CDH12: variants seen among roughly 807,000 people sequenced by gnomAD.
CDH12 encodes cadherin 12.
CDH12 carries 41 observed loss-of-function variants against 74.1 expected under a neutral mutation model. The observed-to-expected ratio is 0.55, with a 90% confidence interval of 0.43 to 0.72. The LOEUF is 0.72. Among genes scored for constraint, CDH12 ranks in the 30% least tolerant of loss-of-function variants. The pLI, the probability that CDH12 is intolerant of heterozygous loss-of-function variation, is 0.00. For missense variants in CDH12, 945 were observed against 977.2 expected, an observed-to-expected ratio of 0.97 and a Z score of 0.44; for synonymous variants, 399 against 355.0, an observed-to-expected ratio of 1.12 and a Z score of -1.39.
At chr5:22,557,315 T>C (rs1249468836) in intron 1 of CDH12, among the ~76,000 whole-genome samples, 2 of 151,994 alleles carry the variant, frequency 1.3e-5, no homozygotes, top group Non-Finnish European at 2.9e-5. Context: ...AATATGAAAG[T>C]ATAACAATGC....
chr5:22,274,249 C>A lies in CDH12; in HGVS notation c.-332-61606G>T, dbSNP rs148637626. ...GGATAAGGATATGGGATTTTACATG[C>A]CAAGAATCGAGGAAAATTCATTTGA... On this transcript the variant is annotated intron_variant, in intron 3 of 14. Coordinates refer to ENST00000382254, the MANE Select transcript of CDH12 (RefSeq NM_004061.5). 7.9e-3 allele frequency among the ~76,000 whole-genome samples: 1,198 copies of A among 151,746 alleles called. 15 individuals carry two copies. The highest frequency in any genetic ancestry group is 0.027 in the African/African-American group (1,126 of 41,400).
chr5:22,326,425 C>T (rs1018263818), intron 3 of CDH12, among the ~76,000 whole-genome samples: 4 of 151,956 alleles, frequency 2.6e-5, no homozygotes, highest in African/African-American at 7.2e-5. Flanking sequence ...TTAGTAGAGA[C>T]GGGGTTTCAC....
intron 1 of CDH12, among the ~76,000 whole-genome samples, chr5:22,831,371 CTGTGTGTGTGTG>C (rs70959760): frequency 6.8e-6 from 1 of 146,750 alleles, no homozygotes; most frequent in East Asian, 2.0e-4. Context: ...GTGTGTGTGT[CTGTGTGTGTGTG>C]TGTGTGTGTG....
intron 1 of CDH12, among the ~76,000 whole-genome samples, chr5:22,680,641 A>G (rs2126927964): frequency 6.6e-6 from 1 of 152,158 alleles, no homozygotes; most frequent in Non-Finnish European, 1.5e-5. Flanking sequence ...GTTCTTGACA[A>G]CCATATTTGT....
chr5:22,448,318 T>A (rs1349759387), intron 2 of CDH12, among the ~76,000 whole-genome samples: 1 of 151,932 alleles, frequency 6.6e-6, no homozygotes, highest in African/African-American at 2.4e-5. Flanking sequence ...AGTTTTAACA[T>A]CACTCGATGC....
Position 22,320,857 on chromosome 5 carries a change from A to G in CDH12, c.-333+84400T>C, listed in dbSNP as rs77267377. 4.2e-3 allele frequency among the ~76,000 whole-genome samples: 644 copies of G among 152,338 alleles called. 31 individuals carry two copies. In the East Asian group the frequency reaches 0.12, roughly 28 times the overall value. The stretch of plus-strand genomic sequence containing the variant: ...TCCAGGCTAGTGGAAAGGGAGCTCT[A>G]TCTAAATCATCAGTTTTCTATAATT... On this transcript the variant is annotated intron_variant, in intron 3 of 14. Coordinates refer to ENST00000382254, the MANE Select transcript of CDH12 (RefSeq NM_004061.5).
intron 1 of CDH12, among the ~76,000 whole-genome samples, chr5:22,707,947 T>C (rs11955616): frequency 0.053 from 8,138 of 152,196 alleles, 392 homozygotes; most frequent in East Asian, 0.15. Flanking sequence ...AGAGTTTTTC[T>C]TCAGTTTCTA....
At chr5:22,779,756 G>A (rs1019317609) in intron 1 of CDH12, among the ~76,000 whole-genome samples, 1 of 152,096 alleles carries the variant, frequency 6.6e-6, no homozygotes, top group African/African-American at 2.4e-5. Context: ...CTTGAGCCAT[G>A]ATTGTGAGTT....
intron 6 of CDH12, among the ~76,000 whole-genome samples, chr5:21,874,352 A>G (rs1218637953): frequency 6.6e-6 from 1 of 152,180 alleles, no homozygotes; most frequent in Non-Finnish European, 1.5e-5. Context: ...CTGACTAAGA[A>G]TTACTAAGCC....
intron 5 of CDH12, among the ~76,000 whole-genome samples, chr5:22,052,352 A>G (rs901427901): frequency 6.6e-6 from 1 of 152,102 alleles, no homozygotes; most frequent in African/African-American, 2.4e-5. Context: ...ACCTAAAACT[A>G]TGTGTGATTA....
intron 6 of CDH12, among the ~76,000 whole-genome samples, chr5:21,891,062 T>C (rs530002725): frequency 4.1e-4 from 62 of 152,088 alleles, no homozygotes; most frequent in Admixed American, 3.4e-3. Flanking sequence ...GATATGTCAA[T>C]ATATCTACCA....
At chr5:22,085,715 G>A (rs1743019027) in intron 4 of CDH12, among the ~76,000 whole-genome samples, 1 of 152,022 alleles carries the variant, frequency 6.6e-6, no homozygotes, top group South Asian at 2.1e-4. Flanking sequence ...ATCAATGGCA[G>A]CATAACTTAC....
chr5:22,600,264 T>C (rs1259024818), intron 1 of CDH12, among the ~76,000 whole-genome samples: 1 of 152,172 alleles, frequency 6.6e-6, no homozygotes, highest in Non-Finnish European at 1.5e-5. Context: ...GTGTCTCCTC[T>C]TAGTTTTGAT....
chr5:22,191,187 C>A (rs1330925016), intron 4 of CDH12, among the ~76,000 whole-genome samples: 2 of 152,024 alleles, frequency 1.3e-5, no homozygotes, highest in Non-Finnish European at 2.9e-5. Flanking sequence ...TTTCTTCCCT[C>A]TTCATCTAGT....
intron 10 of CDH12, among the ~76,000 whole-genome samples, chr5:21,785,147 T>G (rs1746132638): frequency 6.6e-6 from 1 of 152,200 alleles, no homozygotes; most frequent in Admixed American, 6.5e-5. Flanking sequence ...CTATTGAAAT[T>G]ATTTTGAATA....
chr5:22,754,777 G>T (rs1745802147), intron 1 of CDH12, among the ~76,000 whole-genome samples: 1 of 152,128 alleles, frequency 6.6e-6, no homozygotes, highest in Non-Finnish European at 1.5e-5. Flanking sequence ...TCTGCCAGCA[G>T]CATGGAAAAC....
Position 22,750,936 on chromosome 5 carries a change from G to A in CDH12, c.-523+102122C>T, listed in dbSNP as rs535642665. On this transcript the variant is annotated intron_variant, in intron 1 of 14. Coordinates refer to ENST00000382254, the MANE Select transcript of CDH12 (RefSeq NM_004061.5). ...CATAGTGAAAAAAAAAAAAGGTAGGGGATAGGAAGGTAGGGAGAGAAAAAA... is the reference window on the plus strand; with the variant it reads ...CATAGTGAAAAAAAAAAAAGGTAGGAGATAGGAAGGTAGGGAGAGAAAAAA... Among the ~76,000 whole-genome samples, 7 of 151,546 alleles carry A rather than the reference G, an allele frequency of 4.6e-5. No individual in the cohort carries two copies. The South Asian group carries it at 8.3e-4, about 18-fold the overall frequency.
chr5:22,843,196 CT>C (rs756956401), intron 1 of CDH12, among the ~76,000 whole-genome samples: 1 of 151,990 alleles, frequency 6.6e-6, no homozygotes, highest in Non-Finnish European at 1.5e-5. Flanking sequence ...CAGGGTAGCT[CT>C]CTGTGAATCC....
intron 4 of CDH12, among the ~76,000 whole-genome samples, chr5:22,182,594 A>G (rs1411366990): frequency 9.9e-5 from 15 of 152,208 alleles, no homozygotes; most frequent in Non-Finnish European, 1.9e-4. Context: ...TAGGAAAATA[A>G]AAGGAAGAGA....
Sources: allele counts gnomAD v4.1 joint callset (sites outside exome capture counted in the v4.1 genomes callset), GRCh38; gene constraint gnomAD v4.1.1; transcripts MANE v1.5; gene names NCBI Gene and HGNC (gene_info 2026-07-23, HGNC 2026-07-21).